The following NNT variants were observed in gnomAD, a reference collection of about 807,000 sequenced individuals.
The protein encoded by NNT is NAD(P) transhydrogenase, mitochondrial.
Under a neutral mutation model 104.8 loss-of-function variants are expected in NNT, and 50 were observed. The ratio of observed to expected loss-of-function variants is 0.48; its 90% confidence interval spans 0.38 to 0.60. The LOEUF is 0.60. Among genes scored for constraint, NNT ranks in the 20% least tolerant of loss-of-function variants. The pLI, the probability that NNT is intolerant of heterozygous loss-of-function variation, is 0.00. For missense variants in NNT, 1,131 were observed against 1,330.7 expected (o/e 0.85, Z 2.33); for synonymous variants, 461 against 490.4 (o/e 0.94, Z 0.79).
rs1742012115 is a variant in NNT, at chr5:43,686,754, G to A, written c.2876+8948G>A. On this transcript the variant is annotated intron_variant, in intron 19 of 21. Coordinates refer to ENST00000344920, the MANE Select transcript of NNT (RefSeq NM_182977.3). The stretch of plus-strand genomic sequence containing the variant: ...CTGTGTACATTTATTGAACAATTGT[G>A]TCTGCCAGGTGTTGGCCTAAAGCAC... Among the ~76,000 whole-genome samples the A allele has an allele frequency of 3.3e-5, 5 of 152,074 alleles. No homozygotes were observed. The South Asian group carries it at 1.0e-3, about 32-fold the overall frequency.
intron 10 of NNT, chr5:43,648,045 T>C (rs1171340461): frequency 1.7e-6 from 2 of 1,203,304 alleles, no homozygotes; most frequent in East Asian, 5.7e-5. Context: ...CCAGACTGAC[T>C]TAAGAAAACA....
intron 7 of NNT, among the ~76,000 whole-genome samples, 158 bp from the exon 8 acceptor site, chr5:43,644,034 C>T (rs1561284504): frequency 6.6e-6 from 1 of 152,150 alleles, no homozygotes. Flanking sequence ...TTTCTGAATG[C>T]CCAGTCTCAC....
At chr5:43,638,497 AT>A (rs1751052927) in intron 7 of NNT, among the ~76,000 whole-genome samples, 3 of 152,122 alleles carry the variant, frequency 2.0e-5, no homozygotes, top group Admixed American at 2.0e-4. Flanking sequence ...TCTATTTTAC[AT>A]TTAGTCAATA....
intron 18 of NNT, among the ~76,000 whole-genome samples, chr5:43,677,084 A>G (rs932060205): frequency 6.6e-6 from 1 of 151,888 alleles, no homozygotes; most frequent in African/African-American, 2.4e-5. Context: ...GTGGGGGGAA[A>G]TTTTGAGTTC....
chr5:43,616,793 G>A (rs1243254873), intron 4 of NNT, among the ~76,000 whole-genome samples: 1 of 152,160 alleles, frequency 6.6e-6, no homozygotes, highest in Non-Finnish European at 1.5e-5. Context: ...GTGTACTGCT[G>A]ACTTTGCCTT....
rs763737481 is a variant in NNT at position 43,613,044 on chromosome 5, C to T, written c.288C>T (p.Gly96=). The T allele has an allele frequency of 9.9e-6, 16 of 1,613,924 alleles. No homozygotes were observed. The highest frequency in any genetic ancestry group is 8.9e-5 in the East Asian group (4 of 44,886). ...ATGTTGTCGTGGAATCGGGTGCGGG[C>T]GAAGCTTCCAAGTTCTCAGATGATC... The part of the protein sequence containing the change: ...GFNVVVESGA[G]EASKFSDDHY... Residue 96 remains glycine (G), a synonymous_variant, in exon 3 of 22, where the codon GGC becomes GGT. Transcript: ENST00000344920.
intron 19 of NNT, among the ~76,000 whole-genome samples, chr5:43,684,259 A>G (rs751686066): frequency 6.6e-6 from 1 of 151,912 alleles, no homozygotes; most frequent in Non-Finnish European, 1.5e-5. Flanking sequence ...CCATGGATGA[A>G]CAACAGAATT....
rs776334560 is a variant in NNT, at chr5:43,659,261, G to C, written c.2545G>C (p.Glu849Gln). 55 of 1,614,052 alleles carry C rather than the reference G, an allele frequency of 3.4e-5. No homozygotes were observed. The highest frequency in any genetic ancestry group is 4.7e-5 in the Non-Finnish European group (55 of 1,179,996). Residue 849 changes from glutamate (E) to glutamine (Q), a missense_variant, in exon 17 of 22, where the codon GAG becomes CAG. Physicochemically the swap from Glu to Gln is conservative, Grantham distance 29 (BLOSUM62 2). Coordinates refer to ENST00000344920, the MANE Select transcript of NNT (RefSeq NM_182977.3). The part of the protein sequence containing the change: ...NSYSGWALCA[E>Q]GFLLNNNLLT... The stretch of plus-strand genomic sequence containing the variant: ...CTACTCAGGCTGGGCCCTGTGTGCA[G>C]AGGGCTTCCTGCTCAACAACAATCT...
chr5:43,687,522 T>C (rs1742049520), intron 19 of NNT, among the ~76,000 whole-genome samples: 1 of 152,022 alleles, frequency 6.6e-6, no homozygotes, highest in African/African-American at 2.4e-5. Context: ...TGTGCCAGAA[T>C]TTTTTATAAA....
At chr5:43,607,357 TCTC>T (rs1182509978) in intron 1 of NNT, among the ~76,000 whole-genome samples, 1 of 152,090 alleles carries the variant, frequency 6.6e-6, no homozygotes, top group Non-Finnish European at 1.5e-5. Context: ...TGACATTCCT[TCTC>T]CTGGACAATG....
chr5:43,704,551 T>TAG lies in NNT; in HGVS notation c.*153_*154dup, dbSNP rs1268874974. On this transcript the variant is annotated 3_prime_UTR_variant, in exon 22 of 22. Coordinates refer to ENST00000344920, the MANE Select transcript of NNT (RefSeq NM_182977.3). Reference sequence around the variant, plus strand: ...TGAAGAAAGCAAAGCAAAAACTGTATAGAGAGATTTTTCAAAAGCAGTAAT... The same window carrying TAG: ...TGAAGAAAGCAAAGCAAAAACTGTATAGAGAGAGATTTTTCAAAAGCAGTAAT... The TAG allele has an allele frequency of 1.4e-6, 1 of 690,774 alleles. No individual in the cohort carries two copies. The highest frequency in any genetic ancestry group is 1.9e-5 in the African/African-American group (1 of 52,918). The allele number at this position is 690,774 out of a possible 1,614,324, so 42.8% of individuals were successfully genotyped here.
intron 2 of NNT, among the ~76,000 whole-genome samples, chr5:43,611,158 G>T (rs965212947): frequency 6.9e-6 from 1 of 145,868 alleles, no homozygotes; most frequent in Non-Finnish European, 1.5e-5. Flanking sequence ...TCCAAACAGG[G>T]TCCACACATT....
chr5:43,651,786 A>T lies in NNT; in HGVS notation c.1765A>T (p.Thr589Ser), dbSNP rs370370846. 130 of 1,614,066 alleles carry T rather than the reference A, an allele frequency of 8.1e-5. No homozygotes were observed. The highest frequency in any genetic ancestry group is 4.5e-4 in the East Asian group (20 of 44,872). ...QRMLDMFKRPTDPPEYNYLYL... is the reference protein window; with the variant it reads ...QRMLDMFKRPSDPPEYNYLYL... ...AATGCTGGACATGTTCAAGCGTCCC[A>T]CTGACCCCCCAGAATACAACTACCT... is the stretch of plus-strand genomic sequence containing the variant. The change falls in exon 13 of 22, where the codon ACT becomes TCT. Residue 589 changes from threonine (T) to serine (S), a missense_variant. By Grantham distance (58) the Thr-to-Ser change is moderately conservative (BLOSUM62 1). Coordinates refer to ENST00000344920, the MANE Select transcript of NNT (RefSeq NM_182977.3).
intron 1 of NNT, among the ~76,000 whole-genome samples, chr5:43,604,920 C>A (rs1485832815): frequency 6.6e-6 from 1 of 152,096 alleles, no homozygotes; most frequent in Non-Finnish European, 1.5e-5. Context: ...CAGTCCTCCC[C>A]ACTAGCCTCC....
At chr5:43,692,571 G>T (rs1014723289) in intron 19 of NNT, among the ~76,000 whole-genome samples, 2 of 152,212 alleles carry the variant, frequency 1.3e-5, no homozygotes, top group East Asian at 1.9e-4. Flanking sequence ...TGATCCATCC[G>T]CCTTGGCCTC....
At chr5:43,700,308 G>T in intron 20 of NNT, 71 bp downstream of exon 20, 2 of 1,087,508 alleles carry the variant, frequency 1.8e-6, no homozygotes, top group Non-Finnish European at 2.7e-6. Flanking sequence ...TGTGGGATAT[G>T]AATTGTAGAT....
intron 19 of NNT, among the ~76,000 whole-genome samples, chr5:43,688,610 C>A (rs1439136185): frequency 2.6e-5 from 4 of 151,928 alleles, no homozygotes; most frequent in Admixed American, 2.6e-4. Context: ...TGTTCTTATG[C>A]CTTTGTGCCC....
Position 43,704,255 on chromosome 5 carries a change from G to T in NNT, c.3112G>T (p.Val1038Leu). ...PVLEVWKSKQVIVMKRSLGVG... is the reference protein window; with the variant it reads ...PVLEVWKSKQLIVMKRSLGVG... ...CTCTCATTTAATCTCTGGTTCTCAG[G>T]TGATTGTTATGAAGAGGTCTTTGGG... Residue 1038 changes from valine (V) to leucine (L), a missense_variant and splice_region_variant, in exon 22 of 22, where the codon GTG (valine) becomes TTG (leucine). Coordinates refer to ENST00000344920, the MANE Select transcript of NNT (RefSeq NM_182977.3). 6.4e-7 allele frequency: 1 copy of T among 1,559,486 alleles called. No individual in the cohort carries two copies. Among genetic ancestry groups the T allele is most frequent in the Non-Finnish European group, 8.6e-7 (1 of 1,158,218 alleles).
chr5:43,691,076 T>A (rs199958539), intron 19 of NNT, among the ~76,000 whole-genome samples: 2,223 of 135,114 alleles, frequency 0.016, 49 homozygotes, highest in African/African-American at 0.056. Flanking sequence ...AGAGAGTGTG[T>A]GTGTGTGTGT....
Sources: gnomAD v4.1 joint callset for allele counts (sites outside exome capture counted in the v4.1 genomes callset) on GRCh38, gnomAD v4.1.1 for gene constraint, MANE v1.5 for transcripts, NCBI Gene and HGNC (gene_info 2026-07-23, HGNC 2026-07-21) for gene names.